Variants in LONP1 observed in about 807,000 individuals in gnomAD.
The protein encoded by LONP1 is lon protease homolog, mitochondrial.
LONP1 carries 31 observed loss-of-function variants against 98.5 expected under a neutral mutation model. The observed-to-expected ratio is 0.31, with a 90% CI of 0.24 to 0.42. The LOEUF is 0.42. Among genes scored for constraint, LONP1 ranks in the 20% least tolerant of loss-of-function variants. LONP1 has a pLI of 1.00. For synonymous variants in LONP1, 781 were observed against 594.7 expected (o/e 1.31, Z -4.56); for missense variants, 1,336 against 1,350.6 (o/e 0.99, Z 0.17).
intron 1 of LONP1, among the ~76,000 whole-genome samples, chr19:5,719,273 A>G (rs959098037): frequency 1.3e-5 from 2 of 152,212 alleles, no homozygotes; most frequent in African/African-American, 4.8e-5. Flanking sequence ...ATAATAAGCA[A>G]TCAAGAAGTA....
chr19:5,708,210 CCA>C, intron 5 of LONP1, 130 bp downstream of exon 5: 2 of 926,758 alleles, frequency 2.2e-6, no homozygotes, highest in Non-Finnish European at 3.3e-6. Context: ...ACGGGCTCCT[CCA>C]CACAGGCCAC....
At chr19:5,709,485 G>A (rs2055202024) in intron 4 of LONP1, among the ~76,000 whole-genome samples, 1 of 150,988 alleles carries the variant, frequency 6.6e-6, no homozygotes, top group African/African-American at 2.4e-5. Context: ...TGAGTGACAG[G>A]GTGAGACTCT....
In LONP1 at chr19:5,707,065, G is replaced by A. The variant is rs754271475; in HGVS notation, c.1141C>T (p.Arg381Trp). ...ELSKLQQRLGREVEEKIKQTH... is the reference protein window; with the variant it reads ...ELSKLQQRLGWEVEEKIKQTH... ...CGCCTCAGCCGCGGGCTCACCTCCCGCCCCAGGCGCTGCTGCAGCTTGCTC... is the reference window on the plus strand; with the variant it reads ...CGCCTCAGCCGCGGGCTCACCTCCCACCCCAGGCGCTGCTGCAGCTTGCTC... Residue 381 changes from arginine (R) to tryptophan (W), a missense_variant, in exon 7 of 18, where the codon CGG becomes TGG. Physicochemically the swap from Arg to Trp is moderately radical, Grantham distance 101. This residue lies in a region of LONP1 where 97 missense variants were observed against 139.0 expected (regional missense o/e 0.70). Transcript: ENST00000360614. 4 of 1,611,058 alleles carry A rather than the reference G, an allele frequency of 2.5e-6. No homozygotes were observed. Among genetic ancestry groups the A allele is most frequent in the Non-Finnish European group, 3.4e-6 (4 of 1,179,476 alleles).
intron 11 of LONP1, 78 bp from the exon 12 acceptor site, chr19:5,696,449 G>A: frequency 6.5e-7 from 1 of 1,550,044 alleles, no homozygotes. Context: ...CCAGGGTCAG[G>A]GCTGGGGAGA....
intron 17 of LONP1, 67 bp from the exon 18 acceptor site, chr19:5,692,275 G>C (rs2054839640): frequency 6.8e-7 from 1 of 1,470,892 alleles, no homozygotes; most frequent in Non-Finnish European, 9.2e-7. Flanking sequence ...CTAACCTCCA[G>C]GAACGAAAGG....
chr19:5,701,295 A>ATGCTTCTGCCTC (rs1199116094), intron 8 of LONP1, among the ~76,000 whole-genome samples: 3 of 151,180 alleles, frequency 2.0e-5, no homozygotes, highest in Non-Finnish European at 4.4e-5. Context: ...AATACAAAAA[A>ATGCTTCTGCCTC]TGCTTCTGCC....
chr19:5,719,599 T>C (rs1315995857), intron 1 of LONP1, 105 bp downstream of exon 1: 9 of 1,573,346 alleles, frequency 5.7e-6, no homozygotes, highest in African/African-American at 1.4e-5. Flanking sequence ...AGAAACTTCA[T>C]GTCTGAAAAA....
intron 1 of LONP1, among the ~76,000 whole-genome samples, chr19:5,719,334 C>A (rs1029553368): frequency 6.6e-6 from 1 of 152,200 alleles, no homozygotes; most frequent in Non-Finnish European, 1.5e-5. Context: ...CGTAACCAGA[C>A]GGCAGAGCGC....
At chr19:5,695,743 T>G (rs2054914243) in intron 13 of LONP1, among the ~76,000 whole-genome samples, 1 of 152,112 alleles carries the variant, frequency 6.6e-6, no homozygotes, top group South Asian at 2.1e-4. Flanking sequence ...CCAGAAACCT[T>G]CCCTACACTC....
chr19:5,713,105 C>T, intron 3 of LONP1, 29 bp downstream of exon 3: 1 of 1,613,350 alleles, frequency 6.2e-7, no homozygotes, highest in Non-Finnish European at 8.5e-7. Context: ...TCTGCCCCCA[C>T]CTCCCACTGT....
chr19:5,700,923 T>C lies in LONP1; in HGVS notation c.1372A>G (p.Thr458Ala). 1 of 1,614,082 alleles carries C rather than the reference T, an allele frequency of 6.2e-7. No individual in the cohort carries two copies. The highest frequency in any genetic ancestry group is 8.5e-7 in the Non-Finnish European group (1 of 1,179,998). The change falls in exon 9 of 18, where the codon ACC (threonine) becomes GCC (alanine). Residue 458 changes from threonine to alanine, a missense_variant. By Grantham distance (58) the Thr-to-Ala change is moderately conservative. Around this residue, in one of 5 missense-constraint regions of LONP1, gnomAD observed 219 missense variants for 241.0 expected, o/e 0.91. Transcript: ENST00000360614. ...LDNHSSEFNV[T>A]RNYLDWLTSI... ...GTGAGCCAGTCTAGGTAGTTGCGGG[T>C]GACACTGCCAGGGGACAGATGGAGA...
intron 9 of LONP1, among the ~76,000 whole-genome samples, chr19:5,699,505 C>T (rs1010682552): frequency 6.6e-6 from 1 of 152,024 alleles, no homozygotes. Context: ...AAATGCTCCA[C>T]TCTCTCCGGT....
chr19:5,713,337 G>T, intron 2 of LONP1, 84 bp from the exon 3 acceptor site: 81 of 1,214,908 alleles, frequency 6.7e-5, no homozygotes, highest in Non-Finnish European at 5.9e-5. Flanking sequence ...AGGAGGGAGA[G>T]AAAAGAAACG....
intron 10 of LONP1, among the ~76,000 whole-genome samples, chr19:5,698,473 T>G (rs1256137401): frequency 6.6e-6 from 1 of 151,914 alleles, no homozygotes; most frequent in African/African-American, 2.4e-5. Flanking sequence ...AAGGGTCAGG[T>G]GGGAGGGCGC....
At chr19:5,695,960 G>A in intron 13 of LONP1, 94 bp downstream of exon 13, 2 of 1,119,362 alleles carry the variant, frequency 1.8e-6, no homozygotes, top group Non-Finnish European at 2.6e-6. Flanking sequence ...GTCTCTCCCG[G>A]GCCCAGGAGC....
intron 8 of LONP1, among the ~76,000 whole-genome samples, chr19:5,705,072 G>T (rs1235781288): frequency 1.3e-5 from 2 of 152,072 alleles, no homozygotes; most frequent in African/African-American, 2.4e-5. Flanking sequence ...TGAGGCAGTA[G>T]AATCGTTTCA....
intron 15 of LONP1, among the ~76,000 whole-genome samples, chr19:5,694,011 G>A (rs542279941): frequency 1.8e-4 from 28 of 152,304 alleles, no homozygotes; most frequent in Admixed American, 1.2e-3. Flanking sequence ...GACACGCCCA[G>A]GGCTACAAGG....
intron 10 of LONP1, among the ~76,000 whole-genome samples, 178 bp from the exon 11 acceptor site, chr19:5,696,935 T>A (rs1040075441): frequency 6.6e-6 from 1 of 152,126 alleles, no homozygotes; most frequent in Admixed American, 6.5e-5. Context: ...GGCACGCTGG[T>A]CACTTGCCCT....
rs756295706 is a variant in LONP1, at chr19:5,694,799, C to T, written c.2116G>A (p.Glu706Lys). 1.9e-6 allele frequency: 3 copies of T among 1,594,038 alleles called. No individual in the cohort carries two copies. Among genetic ancestry groups the T allele is most frequent in the Non-Finnish European group, 1.7e-6 (2 of 1,164,222 alleles). The part of the protein sequence containing the change: ...LTLLIKQYCR[E>K]SGVRNLQKQV... ...TTCTGCAGGTTGCGGACACCGCTCT[C>T]GCGGCAGTACTGCTTGATGAGCAGC... is the stretch of plus-strand genomic sequence containing the variant. Residue 706 changes from glutamate (E) to lysine (K), a missense_variant, in exon 14 of 18, where the codon GAG becomes AAG. Glu to Lys is a moderately conservative substitution (Grantham distance 56). Around this residue, in one of 5 missense-constraint regions of LONP1, gnomAD observed 555 missense variants for 542.6 expected, o/e 1.02. Coordinates refer to ENST00000360614, the MANE Select transcript of LONP1 (RefSeq NM_004793.4).
Sources: gnomAD v4.1 joint callset for allele counts (sites outside exome capture counted in the v4.1 genomes callset) on GRCh38, gnomAD v4.1.1 for gene constraint, gnomAD v4.1.1 regional missense constraint, MANE v1.5 for transcripts, NCBI Gene and HGNC (gene_info 2026-07-23, HGNC 2026-07-21) for gene names.